Variants in ZFP62 observed in about 807,000 individuals in gnomAD.
ZFP62 encodes ZFP62 zinc finger protein, also known as zinc finger protein 62 homolog.
In ZFP62, 44 loss-of-function variants were observed where a neutral mutation model predicts 56.4. The ratio of observed to expected loss-of-function variants is 0.78; its 90% CI spans 0.61 to 1.00. ZFP62 has a LOEUF of 1.00. Ranked by LOEUF, ZFP62 falls within the 50% of genes least tolerant of loss-of-function variation. The pLI is 0.00. For synonymous variants in ZFP62, 421 were observed against 388.9 expected (o/e 1.08, Z -0.97); for missense variants, 1,030 against 1,085.7 (o/e 0.95, Z 0.72).
the ZFP62 span, chr5:180,831,390 C>G: frequency 6.6e-6 from 1 of 151,872 alleles, no homozygotes; most frequent in South Asian, 2.1e-4. Flanking sequence ...GTGGCGCCAT[C>G]GCGCAGCTTC....
At chr5:180,847,133 A>G (rs1296627354), downstream of ZFP62, among the ~76,000 whole-genome samples, 1 of 152,240 alleles carries the variant, frequency 6.6e-6, no homozygotes. Context: ...TACATGGCTG[A>G]GATTGTTCTC....
chr5:180,836,996 A>G, the ZFP62 span, among the ~76,000 whole-genome samples: 1 of 152,242 alleles, frequency 6.6e-6, no homozygotes, highest in Non-Finnish European at 1.5e-5. Context: ...CTGCAGATAC[A>G]TGTGTAGCCA....
chr5:180,837,941 T>TA, the ZFP62 span, among the ~76,000 whole-genome samples: 2 of 151,972 alleles, frequency 1.3e-5, no homozygotes, highest in East Asian at 1.9e-4. Context: ...TGGGCTCTGT[T>TA]AAAGTTTCCC....
In ZFP62 at chr5:180,847,741, G is replaced by A. The variant is rs1258501595; in HGVS notation, c.*1051C>T. 4.1e-6 allele frequency: 4 copies of A among 985,292 alleles called. No individual in the cohort carries two copies. The African/African-American group carries it at 5.2e-5, about 13-fold the overall frequency. 61.0% of individuals were successfully genotyped at this position (985,292 alleles called of 1,614,324 possible). ...ATTTTACAACAGACAACATATACAT[G>A]TCCTGCATGACATCTTTACAATAAC... On this transcript the variant is annotated 3_prime_UTR_variant, in exon 2 of 2. Transcript: ENST00000502412.
rs1369606496 is a variant in ZFP62, at chr5:180,848,955, T to G, written c.2540A>C (p.Lys847Thr). 6.4e-7 allele frequency: 1 copy of G among 1,551,830 alleles called. No individual in the cohort carries two copies. Among genetic ancestry groups the G allele is most frequent in the African/African-American group, 1.4e-5 (1 of 73,178 alleles). The change falls in exon 2 of 2, where the codon AAG (lysine) becomes ACG (threonine). Residue 847 changes from lysine to threonine, a missense_variant. By Grantham distance (78) the Lys-to-Thr change is moderately conservative. Transcript: ENST00000502412. ...KKPYRCNECGKAFNIRSNLTK... is the reference protein window; with the variant it reads ...KKPYRCNECGTAFNIRSNLTK... ...GAGATTTGATCTGATATTAAAAGCC[T>G]TACCACACTCATTACATCGGTATGG... is the stretch of plus-strand genomic sequence containing the variant.
chr5:180,842,621 A>G (rs886642612), downstream of ZFP62, among the ~76,000 whole-genome samples: 3 of 152,376 alleles, frequency 2.0e-5, no homozygotes, highest in African/African-American at 7.2e-5. Flanking sequence ...TTAAGAATGA[A>G]GTTATTTTTA....
downstream of ZFP62, chr5:180,845,649 AGAAAT>A (rs1442523737): frequency 3.6e-5 from 33 of 923,352 alleles, no homozygotes; most frequent in Non-Finnish European, 4.3e-5. Flanking sequence ...GCTGGAGAAG[AGAAAT>A]GAAGGGTCTC....
Position 180,848,219 on chromosome 5 carries a change from C to A in ZFP62, c.*573G>T. On this transcript the variant is annotated 3_prime_UTR_variant, in exon 2 of 2. Transcript: ENST00000502412. ...TTTCTACTTTTCCTAAAAGGAAATC[C>A]AAATTTTGTTTCAGAAGTCATCATC... 1.0e-6 allele frequency: 1 copy of A among 985,440 alleles called. No individual in the cohort carries two copies. The highest frequency in any genetic ancestry group is 1.2e-6 in the Non-Finnish European group (1 of 829,948). 61.0% of individuals were successfully genotyped at this position (985,440 alleles called of 1,614,324 possible).
At chr5:180,835,643 A>G in the ZFP62 span, 5 of 152,210 alleles carry the variant, frequency 3.3e-5, no homozygotes, top group African/African-American at 1.2e-4. Context: ...GCACATGCAA[A>G]CCATCCGAAA....
In ZFP62 at chr5:180,848,637, G is replaced by T; in HGVS notation, c.*155C>A. On this transcript the variant is annotated 3_prime_UTR_variant, in exon 2 of 2. Transcript: ENST00000502412. ...CTTGACACTGGAGCCTTTCTTGCTT[G>T]CTATGATTGAAAATCACATAGAAAG... 1 of 1,374,444 alleles carries T rather than the reference G, an allele frequency of 7.3e-7. No individual in the cohort carries two copies. The highest frequency in any genetic ancestry group is 9.4e-7 in the Non-Finnish European group (1 of 1,065,838). The allele number at this position is 1,374,444 out of a possible 1,614,324, so 85.1% of individuals were successfully genotyped here. A position where few individuals can be genotyped will look rare whatever the true frequency, so the allele number is the denominator to read the frequency against.
Position 180,850,123 on chromosome 5 carries a change from A to G in ZFP62, c.1372T>C (p.Phe458Leu). 6.4e-7 allele frequency: 1 copy of G among 1,551,740 alleles called. No individual in the cohort carries two copies. The highest frequency in any genetic ancestry group is 8.7e-7 in the Non-Finnish European group (1 of 1,147,032). The change falls in exon 2 of 2, where the codon TTC (phenylalanine) becomes CTC (leucine). Residue 458 changes from phenylalanine to leucine, a missense_variant. Physicochemically the swap from Phe to Leu is conservative, Grantham distance 22 (BLOSUM62 0). Transcript: ENST00000502412. ...PYVCDVCGKT[F>L]RNNAGLKVHR... ...ACTTTGAGGCCTGCATTGTTTCTGA[A>G]CGTTTTCCCACACACATCACATACA...
rs1271756925 is a variant in ZFP62, at chr5:180,861,225, T to C, written c.-6A>G. 1.0e-5 allele frequency: 4 copies of C among 398,020 alleles called. No individual in the cohort carries two copies. Among genetic ancestry groups the C allele is most frequent in the Admixed American group, 4.4e-5 (1 of 22,690 alleles). The allele number at this position is 398,020 out of a possible 1,614,324, so 24.7% of individuals were successfully genotyped here. ...CGGCCGCGGACTCACGTACTGGCTGTGGCGGCGCCGCGGGAACCCGGCCGC... is the reference window on the plus strand; with the variant it reads ...CGGCCGCGGACTCACGTACTGGCTGCGGCGGCGCCGCGGGAACCCGGCCGC... On this transcript the variant is annotated 5_prime_UTR_variant, in exon 1 of 2. Coordinates refer to ENST00000502412, the MANE Select transcript of ZFP62 (RefSeq NM_001172638.2).
intron 1 of ZFP62, among the ~76,000 whole-genome samples, chr5:180,860,219 G>A (rs538742236): frequency 1.3e-5 from 2 of 152,190 alleles, no homozygotes; most frequent in African/African-American, 2.4e-5. Flanking sequence ...AGATACAAAG[G>A]AACAAAAGTG....
the ZFP62 span, chr5:180,830,259 C>T: frequency 6.6e-6 from 1 of 152,366 alleles, no homozygotes; most frequent in Non-Finnish European, 1.5e-5. Context: ...GGGGAGGTCT[C>T]ATGGCTTCTC....
In ZFP62 at chr5:180,850,491, T is replaced by C. The variant is rs1773635851; in HGVS notation, c.1004A>G (p.Lys335Arg). The change falls in exon 2 of 2, where the codon AAA becomes AGA. Residue 335 changes from lysine (K) to arginine (R), a missense_variant. Coordinates refer to ENST00000502412, the MANE Select transcript of ZFP62 (RefSeq NM_001172638.2). ...LNHKSIHFGD[K>R]PYKCDECEKS... ...CTCACACTCATCACATTTATAGGGTTTATCTCCAAAGTGGATGCTTTTATG... is the reference window on the plus strand; with the variant it reads ...CTCACACTCATCACATTTATAGGGTCTATCTCCAAAGTGGATGCTTTTATG... 1 of 1,552,618 alleles carries C rather than the reference T, an allele frequency of 6.4e-7. No homozygotes were observed.
chr5:180,849,631 A>G lies in ZFP62; in HGVS notation c.1864T>C (p.Cys622Arg). 6 of 1,551,874 alleles carry G rather than the reference A, an allele frequency of 3.9e-6. No homozygotes were observed. The highest frequency in any genetic ancestry group is 5.2e-6 in the Non-Finnish European group (6 of 1,147,038). Residue 622 changes from cysteine (C) to arginine (R), a missense_variant, in exon 2 of 2, where the codon TGT (cysteine) becomes CGT (arginine). Physicochemically the swap from Cys to Arg is radical, Grantham distance 180 (BLOSUM62 -3). Coordinates refer to ENST00000502412, the MANE Select transcript of ZFP62 (RefSeq NM_001172638.2). ...LGEKPYKCDV[C>R]EKSFNYTSLL... ...GATGTGTAATTAAAAGATTTCTCACACACATCACATTTGTAGGGCTTCTCC... is the reference window on the plus strand; with the variant it reads ...GATGTGTAATTAAAAGATTTCTCACGCACATCACATTTGTAGGGCTTCTCC...
At chr5:180,853,358 ACAAG>A (rs1773812027) in intron 1 of ZFP62, among the ~76,000 whole-genome samples, 1 of 152,184 alleles carries the variant, frequency 6.6e-6, no homozygotes, top group South Asian at 2.1e-4. Flanking sequence ...AAACAGGAAA[ACAAG>A]CACGTATGTG....
At chr5:180,837,584 AGTCT>A in the ZFP62 span, among the ~76,000 whole-genome samples, 1 of 152,250 alleles carries the variant, frequency 6.6e-6, no homozygotes, top group African/African-American at 2.4e-5. Context: ...AGATTAACTC[AGTCT>A]ATCTATTGGG....
At chr5:180,840,889 A>T in the ZFP62 span, among the ~76,000 whole-genome samples, 1 of 152,010 alleles carries the variant, frequency 6.6e-6, no homozygotes, top group African/African-American at 2.4e-5. Flanking sequence ...TATTGCTATC[A>T]CAGTATTTCT....
Sources: gnomAD v4.1 joint callset for allele counts (sites outside exome capture counted in the v4.1 genomes callset) on GRCh38, gnomAD v4.1.1 for gene constraint, MANE v1.5 for transcripts, NCBI Gene and HGNC (gene_info 2026-07-23, HGNC 2026-07-21) for gene names.